Variants in GSTA4 observed in about 807,000 individuals in gnomAD.
GSTA4 encodes glutathione S-transferase A4.
Under a neutral mutation model 24.4 loss-of-function variants are expected in GSTA4, and 15 were observed. That is an observed-to-expected ratio of 0.61 (90% CI 0.41 to 0.95). The LOEUF (loss-of-function observed/expected upper bound fraction) is 0.95, where lower values mean the gene tolerates loss of function less well. Ranked by LOEUF, GSTA4 falls within the 40% of genes least tolerant of loss-of-function variation. The pLI is 0.00. For synonymous variants in GSTA4, 92 were observed against 94.2 expected (o/e 0.98, Z 0.13); for missense variants, 244 against 262.1 (o/e 0.93, Z 0.48).
At chr6:52,994,046 G>T (rs539218306) in intron 2 of GSTA4, 111 bp downstream of exon 2, 1 of 784,806 alleles carries the variant, frequency 1.3e-6, no homozygotes, top group Non-Finnish European at 2.3e-6. Context: ...AAGCGTGCCT[G>T]TGATTTTGGT....
chr6:52,984,030 G>C (rs978624105), intron 5 of GSTA4, among the ~76,000 whole-genome samples: 1 of 152,176 alleles, frequency 6.6e-6, no homozygotes, highest in Non-Finnish European at 1.5e-5. Flanking sequence ...AAAGAGCAAA[G>C]GGAAGATAAA....
At chr6:52,987,123 C>T (rs45483696) in intron 3 of GSTA4, among the ~76,000 whole-genome samples, 12,386 of 152,104 alleles carry the variant, frequency 0.081, 718 homozygotes, top group Non-Finnish European at 0.11. Context: ...TGGAGAGGAG[C>T]TGTTCACCGG....
chr6:52,985,433 C>G lies in GSTA4; in HGVS notation c.272+18G>C. 6.2e-7 allele frequency: 1 copy of G among 1,609,812 alleles called. No individual in the cohort carries two copies. The highest frequency in any genetic ancestry group is 1.1e-5 in the South Asian group (1 of 90,298). The stretch of plus-strand genomic sequence containing the variant: ...CAGTAAGCTGACAAGTGACAACACT[C>G]GAGAGGGGCCACAGTACAGGGTTCT... On this transcript the variant is annotated intron_variant, in intron 4 of 6. Transcript: ENST00000370963.
rs45505495 is a variant in GSTA4 at position 52,978,724 on chromosome 6, A to G, written c.547-132T>C. 2.8e-3 allele frequency: 1,704 copies of G among 613,326 alleles called. 23 individuals carry two copies. The highest frequency in any genetic ancestry group is 0.028 in the African/African-American group (1,451 of 52,656). 38.0% of individuals were successfully genotyped at this position (613,326 alleles called of 1,614,324 possible). A position where few individuals can be genotyped will look rare whatever the true frequency, so the allele number is the denominator to read the frequency against. ...TTGAAGAGTTCCAAGCAGAAATGAA[A>G]TTTAGCATTTGTTTAGCAGGGGTGT... On this transcript the variant is annotated intron_variant, in intron 6 of 6. Transcript: ENST00000370963.
chr6:52,991,132 T>C (rs1763653244), intron 2 of GSTA4, among the ~76,000 whole-genome samples: 1 of 152,222 alleles, frequency 6.6e-6, no homozygotes, highest in South Asian at 2.1e-4. Context: ...CAACGCATTA[T>C]TGTGAAAATT....
At position 52,987,385 on chromosome 6, in the gene GSTA4, T is replaced by C. The variant is rs1469415298; in HGVS notation, c.111A>G (p.Thr37=). The stretch of plus-strand genomic sequence containing the variant: ...CCTGCAACTTGTACAACTGTTCTTT[T>C]GTTTCCAGAAATTCTTCATCAAACT... ...GVEFDEEFLE[T]KEQLYKLQDG... Residue 37 remains threonine (T), a synonymous_variant, in exon 3 of 7, where the codon ACA becomes ACG. Coordinates refer to ENST00000370963, the MANE Select transcript of GSTA4 (RefSeq NM_001512.4). 1.9e-6 allele frequency: 3 copies of C among 1,588,066 alleles called. No homozygotes were observed. Among genetic ancestry groups the C allele is most frequent in the Non-Finnish European group, 2.6e-6 (3 of 1,157,482 alleles).
At chr6:52,980,088 T>A (rs419427) in intron 6 of GSTA4, among the ~76,000 whole-genome samples, 85,720 of 151,994 alleles carry the variant, frequency 0.56, 24,512 homozygotes, top group East Asian at 0.74. Flanking sequence ...ACGCAGATAA[T>A]GCTTGGGGCT....
At chr6:52,983,771 G>C (rs886424377) in intron 5 of GSTA4, among the ~76,000 whole-genome samples, 1 of 152,144 alleles carries the variant, frequency 6.6e-6, no homozygotes, top group African/African-American at 2.4e-5. Flanking sequence ...TTCACAAAGT[G>C]CCTGTGGGAA....
intron 3 of GSTA4, 133 bp from the exon 4 acceptor site, chr6:52,985,716 G>A (rs1763539855): frequency 1.1e-6 from 1 of 930,500 alleles, no homozygotes; most frequent in Non-Finnish European, 1.7e-6. Flanking sequence ...CCAGATGACA[G>A]ATAACCTTAA....
chr6:52,989,632 C>G (rs1314119845), intron 2 of GSTA4, among the ~76,000 whole-genome samples: 1 of 152,286 alleles, frequency 6.6e-6, no homozygotes, highest in East Asian at 1.9e-4. Context: ...GGAAAGGAGC[C>G]TCAATGCTCC....
In GSTA4 at chr6:52,978,386, G is replaced by A. The variant is rs1763384823; in HGVS notation, c.*84C>T. 1 of 1,373,298 alleles carries A rather than the reference G, an allele frequency of 7.3e-7. No homozygotes were observed. The allele number at this position is 1,373,298 out of a possible 1,614,324, so 85.1% of individuals were successfully genotyped here. ...CAACTTAATACATAGATAGCACCAT[G>A]ACAGAGCTGGGATCCATTAAGACAT... is the stretch of plus-strand genomic sequence containing the variant. On this transcript the variant is annotated 3_prime_UTR_variant, in exon 7 of 7. Coordinates refer to ENST00000370963, the MANE Select transcript of GSTA4 (RefSeq NM_001512.4).
chr6:52,987,617 T>C (rs1741757096), intron 2 of GSTA4: 2 of 508,944 alleles, frequency 3.9e-6, no homozygotes, highest in African/African-American at 2.0e-5. Context: ...AGAAAGTTGA[T>C]TGGTGCTTAC....
intron 6 of GSTA4, among the ~76,000 whole-genome samples, chr6:52,981,446 G>T (rs1455205200): frequency 6.6e-6 from 1 of 152,174 alleles, no homozygotes; most frequent in Non-Finnish European, 1.5e-5. Context: ...GTCTCTATCA[G>T]ATCTACTCAA....
At chr6:52,984,386 A>G (rs1168027239) in intron 5 of GSTA4, 78 bp downstream of exon 5, 2 of 1,356,102 alleles carry the variant, frequency 1.5e-6, no homozygotes, top group Admixed American at 4.4e-5. Context: ...ATCCTTGGAC[A>G]GAAAAGGGTG....
At chr6:52,986,145 G>A (rs1351676821) in intron 3 of GSTA4, among the ~76,000 whole-genome samples, 1 of 152,208 alleles carries the variant, frequency 6.6e-6, no homozygotes, top group Non-Finnish European at 1.5e-5. Flanking sequence ...AGGGATTGAG[G>A]GGAATGTAGT....
Position 52,989,297 on chromosome 6 carries a change from CTTT to C in GSTA4, c.88-1892_88-1890del, listed in dbSNP as rs1763620800. Among the ~76,000 whole-genome samples, 3 of 152,158 alleles carry C rather than the reference CTTT, an allele frequency of 2.0e-5. No homozygotes were observed. The South Asian group carries it at 6.2e-4, about 32-fold the overall frequency. ...GGGACTGCTCTATAGAGTAGCCATT[CTTT>C]TATTCCTTTACTTTCCTAATAAACT... is the stretch of plus-strand genomic sequence containing the variant. On this transcript the variant is annotated intron_variant, in intron 2 of 6. Coordinates refer to ENST00000370963, the MANE Select transcript of GSTA4 (RefSeq NM_001512.4).
At chr6:52,980,537 T>C (rs575523094) in intron 6 of GSTA4, among the ~76,000 whole-genome samples, 19 of 152,024 alleles carry the variant, frequency 1.2e-4, no homozygotes, top group Non-Finnish European at 2.4e-4. Flanking sequence ...CTCCTGACCT[T>C]AAGTGATCCA....
intron 4 of GSTA4, 132 bp from the exon 5 acceptor site, chr6:52,984,737 T>C: frequency 2.8e-6 from 2 of 722,406 alleles, no homozygotes; most frequent in Non-Finnish European, 4.6e-6. Flanking sequence ...AGCATTTACC[T>C]ATACCTGTCT....
chr6:52,986,460 C>T lies in GSTA4; in HGVS notation c.140-877G>A, dbSNP rs185971311. Among the ~76,000 whole-genome samples the T allele has an allele frequency of 9.2e-5, 14 of 152,304 alleles. No individual in the cohort carries two copies. The East Asian group carries it at 2.5e-3, about 27-fold the overall frequency. Reference sequence around the variant, plus strand: ...GTATACTCTTTGGCTCATGTATACTCTATGGCTACTCTGTAGCCACAGAAC... The same window carrying T: ...GTATACTCTTTGGCTCATGTATACTTTATGGCTACTCTGTAGCCACAGAAC... On this transcript the variant is annotated intron_variant, in intron 3 of 6. Coordinates refer to ENST00000370963, the MANE Select transcript of GSTA4 (RefSeq NM_001512.4).
Sources: allele counts gnomAD v4.1 joint callset (sites outside exome capture counted in the v4.1 genomes callset), GRCh38; gene constraint gnomAD v4.1.1; transcripts MANE v1.5; gene names NCBI Gene and HGNC (gene_info 2026-07-23, HGNC 2026-07-21).